The following ERI1 variants were observed in gnomAD, a reference collection of about 807,000 sequenced individuals.
ERI1 encodes 3'-5' exoribonuclease 1.
Under a neutral mutation model 39.7 loss-of-function variants are expected in ERI1, and 39 were observed. The ratio of observed to expected loss-of-function variants is 0.98; its 90% CI spans 0.76 to 1.28. The LOEUF (loss-of-function observed/expected upper bound fraction) is 1.28. Among genes scored for constraint, ERI1 ranks in the 50% most tolerant of loss-of-function variants. The pLI, the probability that ERI1 is intolerant of heterozygous loss-of-function variation, is 0.00. For missense variants in ERI1, 581 were observed against 416.9 expected (o/e 1.39, Z -3.43); for synonymous variants, 204 against 149.6 (o/e 1.36, Z -2.65).
intron 3 of ERI1, among the ~76,000 whole-genome samples, chr8:9,014,539 T>C (rs1309014185): frequency 6.6e-6 from 1 of 152,224 alleles, no homozygotes; most frequent in Non-Finnish European, 1.5e-5. Flanking sequence ...ACTTACCTAA[T>C]TTATTTAAGT....
In ERI1 at chr8:9,083,001, T is replaced by C. The variant is rs541803248; in HGVS notation, n.300-33347T>C. On this transcript the variant is annotated intron_variant and non_coding_transcript_variant, in intron 3 of 3. Coordinates refer to the ERI1 transcript ENST00000518663. ...GTAAACAACAAATAAATTTTTAACA[T>C]AGGCATTTCCTCAATATTGCATGGG... 1.7e-4 allele frequency among the ~76,000 whole-genome samples: 26 copies of C among 152,348 alleles called. No homozygotes were observed. In the South Asian group the frequency reaches 5.4e-3, roughly 32 times the overall value.
chr8:9,015,783 GTAGATACACAGTGT>G (rs1817202259), intron 3 of ERI1, among the ~76,000 whole-genome samples: 1 of 148,818 alleles, frequency 6.7e-6, no homozygotes, highest in Admixed American at 6.7e-5. Flanking sequence ...CAACATTACT[GTAGATACACAGTGT>G]TAGCAACTCT....
At chr8:9,022,956 C>A (rs1055350973) in intron 6 of ERI1, among the ~76,000 whole-genome samples, 2 of 152,142 alleles carry the variant, frequency 1.3e-5, no homozygotes, top group East Asian at 3.8e-4. Flanking sequence ...AGCTAAGGGT[C>A]ATTTTCTTAG....
At chr8:9,070,692 C>G (rs1046338763) in intron 3 of ERI1, among the ~76,000 whole-genome samples, 2 of 152,192 alleles carry the variant, frequency 1.3e-5, no homozygotes, top group Non-Finnish European at 2.9e-5. Flanking sequence ...TGGAGTCCAT[C>G]CTTGCAAATG....
chr8:9,071,233 C>T (rs551554590), intron 3 of ERI1, among the ~76,000 whole-genome samples: 1 of 152,328 alleles, frequency 6.6e-6, no homozygotes, highest in East Asian at 1.9e-4. Context: ...TTCCTAACCA[C>T]TGTAATAAAT....
At chr8:9,072,883 C>T (rs1462038132) in intron 3 of ERI1, among the ~76,000 whole-genome samples, 1 of 152,214 alleles carries the variant, frequency 6.6e-6, no homozygotes, top group Non-Finnish European at 1.5e-5. Flanking sequence ...GTCTTGAGGA[C>T]CTCCTCAGTC....
rs142690080 is a variant in ERI1, at chr8:9,016,114, G to A, written c.499-208G>A. Reference sequence around the variant, plus strand: ...AAATCTTTCACACACTCACTTTATCGTAAAATATTTTAAATTATGAATCAA... The same window carrying A: ...AAATCTTTCACACACTCACTTTATCATAAAATATTTTAAATTATGAATCAA... On this transcript the variant is annotated intron_variant, in intron 3 of 6. Transcript: ENST00000250263. Among the ~76,000 whole-genome samples the A allele has an allele frequency of 2.2e-3, 331 of 152,082 alleles. 2 individuals carry two copies. The highest frequency in any genetic ancestry group is 7.5e-3 in the African/African-American group (312 of 41,478).
chr8:9,061,463 A>C (rs1281287487), intron 3 of ERI1, among the ~76,000 whole-genome samples: 2 of 152,218 alleles, frequency 1.3e-5, no homozygotes, highest in Non-Finnish European at 2.9e-5. Flanking sequence ...AGGTGTAGAA[A>C]GTGAGTTGAC....
At chr8:9,013,454 T>G (rs769671953) in intron 3 of ERI1, among the ~76,000 whole-genome samples, 1 of 152,124 alleles carries the variant, frequency 6.6e-6, no homozygotes, top group Non-Finnish European at 1.5e-5. Context: ...ACTTGCAGTT[T>G]TCTTTGCTGG....
intron 3 of ERI1, among the ~76,000 whole-genome samples, chr8:9,054,314 G>A (rs1038102556): frequency 6.6e-6 from 1 of 152,110 alleles, no homozygotes; most frequent in African/African-American, 2.4e-5. Context: ...GTCCTATTCG[G>A]CTGCACTTTT....
At chr8:9,008,262 T>A in intron 2 of ERI1, 114 bp downstream of exon 2, 1 of 923,578 alleles carries the variant, frequency 1.1e-6, no homozygotes, top group Non-Finnish European at 1.5e-6. Flanking sequence ...GACATGATCC[T>A]ATTAACAGTT....
At chr8:9,008,607 A>G (rs969716892) in intron 2 of ERI1, among the ~76,000 whole-genome samples, 1 of 152,224 alleles carries the variant, frequency 6.6e-6, no homozygotes, top group Non-Finnish European at 1.5e-5. Context: ...ATCTACAATG[A>G]TCGTTTGCAT....
At chr8:9,050,119 G>T (rs1798309155) in intron 3 of ERI1, among the ~76,000 whole-genome samples, 1 of 151,634 alleles carries the variant, frequency 6.6e-6, no homozygotes, top group South Asian at 2.1e-4. Context: ...GATAAGTGAG[G>T]TAGAATATAT....
chr8:9,012,423 C>T (rs1459211816), intron 3 of ERI1, among the ~76,000 whole-genome samples: 1 of 152,164 alleles, frequency 6.6e-6, no homozygotes, highest in Non-Finnish European at 1.5e-5. Flanking sequence ...CTCAACTTTC[C>T]AAAAGTCACT....
At chr8:9,022,904 T>C (rs1233146541) in intron 6 of ERI1, among the ~76,000 whole-genome samples, 1 of 152,294 alleles carries the variant, frequency 6.6e-6, no homozygotes, top group South Asian at 2.1e-4. Context: ...AGTCAGACAT[T>C]ATGTTATCTG....
chr8:9,004,275 G>C (rs1468529402), intron 1 of ERI1: 1 of 1,177,162 alleles, frequency 8.5e-7, no homozygotes, highest in Non-Finnish European at 1.1e-6. Flanking sequence ...TTCAGCCTGA[G>C]ATACGTTGTC....
intron 3 of ERI1, among the ~76,000 whole-genome samples, chr8:9,058,126 G>A (rs1798570128): frequency 1.3e-5 from 2 of 152,204 alleles, no homozygotes; most frequent in Admixed American, 6.5e-5. Flanking sequence ...ACTGCAGGGG[G>A]TCAAAGGCAG....
At chr8:9,096,857 A>G (rs1367351266) in intron 3 of ERI1, 2 of 151,944 alleles carry the variant, frequency 1.3e-5, no homozygotes, top group African/African-American at 4.8e-5. Context: ...GCTGGATTAC[A>G]GGCGTGAGTC....
At chr8:9,091,902 A>G (rs1799716770) in intron 3 of ERI1, among the ~76,000 whole-genome samples, 1 of 118,622 alleles carries the variant, frequency 8.4e-6, no homozygotes, top group African/African-American at 2.6e-5. Flanking sequence ...AAAATTGTTA[A>G]TTTGTGGATG....
Sources: gnomAD v4.1 joint callset for allele counts (sites outside exome capture counted in the v4.1 genomes callset) on GRCh38, gnomAD v4.1.1 for gene constraint, MANE v1.5 for transcripts, NCBI Gene and HGNC (gene_info 2026-07-23, HGNC 2026-07-21) for gene names.